Variants in GRHPR observed in about 807,000 individuals in gnomAD.
GRHPR encodes glyoxylate reductase/hydroxypyruvate reductase.
GRHPR carries 35 observed loss-of-function variants against 36.8 expected under a neutral mutation model. That is an observed-to-expected ratio of 0.95 (90% CI 0.73 to 1.26). The LOEUF (loss-of-function observed/expected upper bound fraction) is 1.26, where lower values mean the gene tolerates loss of function less well. Among genes scored for constraint, GRHPR ranks in the 50% most tolerant of loss-of-function variants. The pLI is 0.00. For missense variants in GRHPR, 380 were observed against 435.0 expected, an observed-to-expected ratio of 0.87 and a Z score of 1.12; for synonymous variants, 179 against 181.0, an observed-to-expected ratio of 0.99 and a Z score of 0.09.
rs559512802 is a variant in GRHPR, at chr9:37,427,074, T to C, written c.404+420T>C. On this transcript the variant is annotated intron_variant, in intron 4 of 8. Transcript: ENST00000318158. ...CTGACCCCAGGTGTGCCCCATTGAG[T>C]GAGGACTCAGCTAAAATAAAGCACA... Among the ~76,000 whole-genome samples, 33 of 151,914 alleles carry C rather than the reference T, an allele frequency of 2.2e-4. No individual in the cohort carries two copies. In the South Asian group the frequency reaches 6.7e-3, roughly 31 times the overall value.
At chr9:37,427,975 G>C in intron 4 of GRHPR, 1 of 192,278 alleles carries the variant, frequency 5.2e-6, no homozygotes, top group South Asian at 1.0e-4. Context: ...ACGGGGCATG[G>C]AGCAGAGTAG....
chr9:37,428,499 G>A lies in GRHPR; in HGVS notation c.420G>A (p.Ser140=), dbSNP rs758880537. The A allele has an allele frequency of 5.6e-6, 9 of 1,611,202 alleles. No homozygotes were observed. Among genetic ancestry groups the A allele is most frequent in the South Asian group, 2.2e-5 (2 of 91,056 alleles). ...IEEVKNGGWT[S]WKPLWLCGYG... ...CTCCCCTCAGTGGTGGCTGGACCTCGTGGAAGCCCCTCTGGCTGTGTGGCT... is the reference window on the plus strand; with the variant it reads ...CTCCCCTCAGTGGTGGCTGGACCTCATGGAAGCCCCTCTGGCTGTGTGGCT... The change falls in exon 5 of 9, where the codon TCG becomes TCA. Residue 140 remains serine (S), a synonymous_variant. Transcript: ENST00000318158.
intron 8 of GRHPR, chr9:37,434,342 A>G (rs944554962): frequency 1.7e-4 from 81 of 474,880 alleles, no homozygotes; most frequent in Non-Finnish European, 9.4e-5. Context: ...CCTTGGGGGA[A>G]GGGCCAGCGG....
chr9:37,436,762 C>G lies in GRHPR; in HGVS notation c.967C>G (p.Pro323Ala), dbSNP rs1823682995. ...GGCTGGCCTGAGAGGGGAGCCGATGCCTAGTGAACTCAAGCTGTAGCCAAA... is the reference window on the plus strand; with the variant it reads ...GGCTGGCCTGAGAGGGGAGCCGATGGCTAGTGAACTCAAGCTGTAGCCAAA... ...LLAGLRGEPM[P>A]SELKL The change falls in exon 9 of 9, where the codon CCT (proline) becomes GCT (alanine). Residue 323 changes from proline (P) to alanine (A), a missense_variant. Coordinates refer to ENST00000318158, the MANE Select transcript of GRHPR (RefSeq NM_012203.2). The G allele has an allele frequency of 6.2e-7, 1 of 1,614,034 alleles. No individual in the cohort carries two copies. The highest frequency in any genetic ancestry group is 8.5e-7 in the Non-Finnish European group (1 of 1,179,968).
chr9:37,429,905 G>A, intron 6 of GRHPR, 69 bp downstream of exon 6: 1 of 955,266 alleles, frequency 1.0e-6, no homozygotes, highest in Admixed American at 1.7e-5. Flanking sequence ...TTCTCTCAAT[G>A]GTGGCATTTT....
chr9:37,435,792 CA>C (rs912288891), intron 8 of GRHPR, among the ~76,000 whole-genome samples: 1 of 152,096 alleles, frequency 6.6e-6, no homozygotes, highest in Non-Finnish European at 1.5e-5. Flanking sequence ...GGAAAAAACC[CA>C]AAAGCAGTTT....
At chr9:37,435,095 T>TA (rs1376787001) in intron 8 of GRHPR, among the ~76,000 whole-genome samples, 6 of 152,074 alleles carry the variant, frequency 3.9e-5, no homozygotes, top group Non-Finnish European at 8.8e-5. Context: ...CTATAAAAAA[T>TA]AAAAAATTAG....
intron 8 of GRHPR, chr9:37,434,506 G>A (rs1391724936): frequency 1.2e-5 from 6 of 482,166 alleles, no homozygotes; most frequent in East Asian, 7.7e-5. Context: ...GGCAGAGGTA[G>A]AGGAAAAGCC....
At chr9:37,437,869 C>T (rs993892323), downstream of GRHPR, among the ~76,000 whole-genome samples, 1 of 152,144 alleles carries the variant, frequency 6.6e-6, no homozygotes, top group Non-Finnish European at 1.5e-5. Context: ...CACAAGATTA[C>T]GCAGGCCCTC....
intron 8 of GRHPR, 141 bp downstream of exon 8, chr9:37,432,279 A>C (rs1823407666): frequency 1.3e-6 from 1 of 759,346 alleles, no homozygotes; most frequent in African/African-American, 1.7e-5. Context: ...GTAAATGTTT[A>C]TGTTGTCAGT....
intron 1 of GRHPR, among the ~76,000 whole-genome samples, chr9:37,424,204 C>G (rs1370447479): frequency 6.6e-6 from 1 of 152,214 alleles, no homozygotes; most frequent in Non-Finnish European, 1.5e-5. Context: ...GTACCCTGCT[C>G]ATGGGGAGGT....
chr9:37,435,947 T>C (rs902583527), intron 8 of GRHPR, among the ~76,000 whole-genome samples: 4 of 152,002 alleles, frequency 2.6e-5, no homozygotes, highest in Admixed American at 1.3e-4. Context: ...TGACGGTTCT[T>C]TGGGGGCAAG....
At chr9:37,435,353 T>C (rs1368195993) in intron 8 of GRHPR, among the ~76,000 whole-genome samples, 1 of 152,220 alleles carries the variant, frequency 6.6e-6, no homozygotes, top group Admixed American at 6.5e-5. Context: ...ATTCCTGACA[T>C]ATTTTGGTTT....
At chr9:37,433,607 G>C (rs568937438) in intron 8 of GRHPR, among the ~76,000 whole-genome samples, 3 of 152,256 alleles carry the variant, frequency 2.0e-5, no homozygotes, top group Admixed American at 2.0e-4. Flanking sequence ...CATCCCGAGA[G>C]TTTCTATTTC....
chr9:37,434,025 G>GGCCAA, intron 8 of GRHPR: 1 of 372,122 alleles, frequency 2.7e-6, no homozygotes, highest in Non-Finnish European at 4.8e-6. Flanking sequence ...CAGGAAAACT[G>GGCCAA]CCCTCCCACC....
Position 37,422,783 on chromosome 9 carries a change from C to A in GRHPR, c.33C>A (p.Val11=). The A allele has an allele frequency of 6.3e-7, 1 of 1,599,734 alleles. No homozygotes were observed. The highest frequency in any genetic ancestry group is 8.5e-7 in the Non-Finnish European group (1 of 1,174,670). Residue 11 remains valine (V), a synonymous_variant, in exon 1 of 9, where the codon GTC becomes GTA. Transcript: ENST00000318158. ...CGGTGCGACTCATGAAGGTGTTCGT[C>A]ACCCGCAGGATACCCGCCGAGGGTA... MRPVRLMKVF[V]TRRIPAEGRV... is the part of the protein sequence containing the mutation.
chr9:37,428,021 A>G (rs1823168054), intron 4 of GRHPR: 1 of 280,472 alleles, frequency 3.6e-6, no homozygotes, highest in Non-Finnish European at 7.0e-6. Flanking sequence ...CTGTCTGGGG[A>G]GTCATCACAT....
downstream of GRHPR, chr9:37,438,725 G>C (rs1823784169): frequency 1.3e-5 from 2 of 152,242 alleles, no homozygotes; most frequent in African/African-American, 2.4e-5. Flanking sequence ...ATCATGTAAA[G>C]GGTGGATGGG....
Position 37,424,521 on chromosome 9 carries a change from C to G in GRHPR, c.84-324C>G, listed in dbSNP as rs575037756. Among the ~76,000 whole-genome samples, 4 of 152,370 alleles carry G rather than the reference C, an allele frequency of 2.6e-5. No individual in the cohort carries two copies. In the South Asian group the frequency reaches 6.2e-4, roughly 24 times the overall value. ...CCCCCACCTGAGGCACACCCTGCCC[C>G]CCACGGGCCTTCCCTGCAGTTGGCC... is the stretch of plus-strand genomic sequence containing the variant. On this transcript the variant is annotated intron_variant, in intron 1 of 8. Coordinates refer to ENST00000318158, the MANE Select transcript of GRHPR (RefSeq NM_012203.2).
Sources: gnomAD v4.1 joint callset for allele counts (sites outside exome capture counted in the v4.1 genomes callset) on GRCh38, gnomAD v4.1.1 for gene constraint, MANE v1.5 for transcripts, NCBI Gene and HGNC (gene_info 2026-07-23, HGNC 2026-07-21) for gene names.